Variants in EPB41 observed in about 807,000 individuals in gnomAD.
EPB41 encodes erythrocyte membrane protein band 4.1.
Under a neutral mutation model 108.0 loss-of-function variants are expected in EPB41, and 65 were observed. That is an observed-to-expected ratio of 0.60 (90% CI 0.49 to 0.74). The LOEUF is 0.74. EPB41 is among the 30% of genes least tolerant of loss of function. EPB41 has a pLI of 0.00. For missense variants in EPB41, 875 were observed against 1,037.0 expected (o/e 0.84, Z 2.15); for synonymous variants, 336 against 358.9 (o/e 0.94, Z 0.72).
At position 28,900,081 on chromosome 1, in the gene EPB41, A is replaced by G. The variant is rs185533571; in HGVS notation, c.-8+12871A>G. 4.5e-4 allele frequency among the ~76,000 whole-genome samples: 68 copies of G among 152,300 alleles called. 1 individual carries two copies. The East Asian group carries it at 0.013, about 29-fold the overall frequency. ...TATTATTGTTGTTTTTGTCATCGTT[A>G]TTCTATGATCGGTAGAGATAATAAG... On this transcript the variant is annotated intron_variant, in intron 1 of 16. Transcript: ENST00000347529.
At chr1:28,947,279 G>A (rs1432920327) in intron 1 of EPB41, among the ~76,000 whole-genome samples, 1 of 148,994 alleles carries the variant, frequency 6.7e-6, no homozygotes, top group Non-Finnish European at 1.5e-5. Flanking sequence ...GTGGTGGCGC[G>A]CGCCTGTAGT....
chr1:28,940,669 A>T lies in EPB41; in HGVS notation c.-8+25901A>T, dbSNP rs138586873. On this transcript the variant is annotated intron_variant, in intron 1 of 20. Coordinates refer to ENST00000343067, the MANE Select transcript of EPB41 (RefSeq NM_001376013.1). ...TCTGTGTCAAAAAGAAAAAAAAATT[A>T]ATATTTCTTGGAAATCAAGTCTGTT... is the stretch of plus-strand genomic sequence containing the variant. Among the ~76,000 whole-genome samples the T allele has an allele frequency of 3.7e-3, 568 of 152,182 alleles. 6 individuals are homozygous for T. Among genetic ancestry groups the T allele is most frequent in the African/African-American group, 0.013 (529 of 41,528 alleles).
At chr1:29,100,733 A>T (rs1343281197) in intron 17 of EPB41, among the ~76,000 whole-genome samples, 1 of 147,152 alleles carries the variant, frequency 6.8e-6, no homozygotes, top group Non-Finnish European at 1.5e-5. Context: ...TTAAATATGT[A>T]AATTAATATA....
chr1:28,889,684 A>T, intron 1 of EPB41: 1 of 401,832 alleles, frequency 2.5e-6, no homozygotes, highest in Non-Finnish European at 3.4e-6. Flanking sequence ...GATGGAACCT[A>T]GGCTGCAGGG....
intron 16 of EPB41, chr1:29,072,167 C>A (rs1651797452): frequency 6.6e-6 from 1 of 152,090 alleles, no homozygotes; most frequent in South Asian, 2.1e-4. Flanking sequence ...TCTTTTATGT[C>A]ACAGGCTATG....
At chr1:28,959,400 A>C (rs1240477141) in intron 1 of EPB41, among the ~76,000 whole-genome samples, 1 of 151,846 alleles carries the variant, frequency 6.6e-6, no homozygotes, top group Non-Finnish European at 1.5e-5. Flanking sequence ...TATTTTTAGT[A>C]GAGATGGGTT....
chr1:28,977,973 CAT>C (rs147148646), intron 1 of EPB41, among the ~76,000 whole-genome samples: 1,535 of 144,474 alleles, frequency 0.011, 69 homozygotes, highest in African/African-American at 0.038. Context: ...TTTTTAAGAA[CAT>C]AGATGCAAAC....
chr1:28,967,314 G>A (rs1019727821), intron 1 of EPB41, among the ~76,000 whole-genome samples: 4 of 152,100 alleles, frequency 2.6e-5, no homozygotes, highest in Admixed American at 6.5e-5. Flanking sequence ...CACCACGCTC[G>A]GCCCTTTTAT....
Position 28,887,316 on chromosome 1 carries a change from A to C in EPB41, c.-8+106A>C. 3 of 1,204,466 alleles carry C rather than the reference A, an allele frequency of 2.5e-6. No individual in the cohort carries two copies. Among genetic ancestry groups the C allele is most frequent in the South Asian group, 2.9e-5 (2 of 69,094 alleles). The allele number at this position is 1,204,466 out of a possible 1,614,324, so 74.6% of individuals were successfully genotyped here. The stretch of plus-strand genomic sequence containing the variant: ...CTCGGACCGTCCCGGGAGAGGCGAG[A>C]CCAGGGTCGAAGGGTCCAGGGCTGA... On this transcript the variant is annotated intron_variant, in intron 1 of 16. Coordinates refer to the EPB41 transcript ENST00000347529. The surrounding 1 kb of genome is among the most constrained non-coding windows in gnomAD (Gnocchi z 4.9).
At chr1:28,957,409 A>G (rs766233042) in intron 1 of EPB41, among the ~76,000 whole-genome samples, 10 of 152,178 alleles carry the variant, frequency 6.6e-5, no homozygotes, top group Non-Finnish European at 1.5e-4. Flanking sequence ...AAACATTGCT[A>G]AAACTTTTTT....
At chr1:29,078,012 A>C (rs550321364) in intron 16 of EPB41, among the ~76,000 whole-genome samples, 3 of 152,248 alleles carry the variant, frequency 2.0e-5, no homozygotes, top group African/African-American at 7.2e-5. Flanking sequence ...AGATCATTTA[A>C]GGTCAGGAGT....
At chr1:29,011,178 T>C (rs959549124) in intron 4 of EPB41, among the ~76,000 whole-genome samples, 5 of 141,392 alleles carry the variant, frequency 3.5e-5, no homozygotes, top group Non-Finnish European at 7.8e-5. Context: ...CTAGCCAACA[T>C]GTTTGGCAAA....
At chr1:29,050,144 G>T (rs1419211967) in intron 11 of EPB41, among the ~76,000 whole-genome samples, 1 of 152,224 alleles carries the variant, frequency 6.6e-6, no homozygotes, top group African/African-American at 2.4e-5. Flanking sequence ...ATGTGACTGA[G>T]TGTGGGCCTA....
intron 17 of EPB41, among the ~76,000 whole-genome samples, chr1:29,102,158 C>A (rs1231304273): frequency 6.6e-6 from 1 of 152,166 alleles, no homozygotes; most frequent in Non-Finnish European, 1.5e-5. Flanking sequence ...GGCAGAATCC[C>A]TTTAAGTTGT....
intron 16 of EPB41, among the ~76,000 whole-genome samples, chr1:29,093,808 C>T (rs931308402): frequency 5.9e-5 from 9 of 152,146 alleles, no homozygotes; most frequent in African/African-American, 1.9e-4. Flanking sequence ...TGGAGGCTGA[C>T]GCAGGAGAAT....
chr1:28,958,134 G>A (rs1189461870), intron 1 of EPB41, among the ~76,000 whole-genome samples: 2 of 152,138 alleles, frequency 1.3e-5, no homozygotes, highest in Non-Finnish European at 2.9e-5. Flanking sequence ...TTTAAAAGAA[G>A]CTTCAACAGA....
chr1:29,008,299 C>A (rs539752186), intron 4 of EPB41, among the ~76,000 whole-genome samples: 2 of 152,268 alleles, frequency 1.3e-5, no homozygotes, highest in Admixed American at 1.3e-4. Context: ...TCCTCTGTCC[C>A]ATAGACTTTA....
intron 17 of EPB41, among the ~76,000 whole-genome samples, chr1:29,103,980 A>G (rs1468963205): frequency 2.6e-5 from 4 of 152,052 alleles, no homozygotes; most frequent in South Asian, 4.1e-4. Context: ...ATTGCTTTTT[A>G]TTACTTATGC....
chr1:29,109,587 G>A (rs1444378434), intron 18 of EPB41, 150 bp downstream of exon 18: 1 of 705,752 alleles, frequency 1.4e-6, no homozygotes, highest in Admixed American at 2.1e-5. Context: ...GGATGGAAAG[G>A]CCCTGCTGCC....
Sources: allele counts gnomAD v4.1 joint callset (sites outside exome capture counted in the v4.1 genomes callset), GRCh38; gene constraint gnomAD v4.1.1; non-coding constraint Gnocchi (gnomAD v3.1); transcripts MANE v1.5; gene names NCBI Gene and HGNC (gene_info 2026-07-23, HGNC 2026-07-21).